KCNAB1: variants seen among roughly 807,000 people sequenced by gnomAD.
KCNAB1 encodes the protein voltage-gated potassium channel subunit beta-1.
In KCNAB1, 35 loss-of-function variants were observed where a neutral mutation model predicts 64.6. That is an observed-to-expected ratio of 0.54 (90% CI 0.41 to 0.72). The LOEUF is 0.72. KCNAB1 is among the 30% of genes least tolerant of loss of function. The pLI is 0.00. For synonymous variants in KCNAB1, 177 were observed against 183.8 expected, an observed-to-expected ratio of 0.96 and a Z score of 0.30; for missense variants, 401 against 512.9, an observed-to-expected ratio of 0.78 and a Z score of 2.11.
At chr3:156,360,992 C>T (rs1725572708) in intron 1 of KCNAB1, among the ~76,000 whole-genome samples, 1 of 152,130 alleles carries the variant, frequency 6.6e-6, no homozygotes, top group South Asian at 2.1e-4. Context: ...GCCAGTGATA[C>T]TTTTTTAAAC....
chr3:156,436,515 T>A (rs112785816), intron 2 of KCNAB1, among the ~76,000 whole-genome samples: 7,561 of 152,318 alleles, frequency 0.05, 313 homozygotes, highest in African/African-American at 0.11. Flanking sequence ...ATGGTTGAAC[T>A]AATTTGCATT....
chr3:156,372,481 T>A (rs945070024), intron 1 of KCNAB1, among the ~76,000 whole-genome samples: 6 of 152,230 alleles, frequency 3.9e-5, no homozygotes, highest in Non-Finnish European at 5.9e-5. Context: ...GAGATTCTGA[T>A]TCAATAGGTC....
intron 1 of KCNAB1, among the ~76,000 whole-genome samples, chr3:156,401,875 T>C (rs1456328380): frequency 2.6e-5 from 4 of 152,154 alleles, no homozygotes; most frequent in Admixed American, 2.6e-4. Context: ...CCAACTTTTT[T>C]TTTTTTTTAC....
At chr3:156,135,551 C>G (rs1308103493) in intron 1 of KCNAB1, among the ~76,000 whole-genome samples, 1 of 152,186 alleles carries the variant, frequency 6.6e-6, no homozygotes, top group Non-Finnish European at 1.5e-5. Flanking sequence ...AAGAGTTCTT[C>G]TAGCTCTAGT....
At chr3:156,475,208 G>A (rs1287239453) in intron 8 of KCNAB1, among the ~76,000 whole-genome samples, 5 of 152,176 alleles carry the variant, frequency 3.3e-5, no homozygotes, top group African/African-American at 1.2e-4. Flanking sequence ...CTCTAAGTCT[G>A]ATTAGTTTCC....
At chr3:156,315,525 ATAT>A (rs1488971349) in intron 1 of KCNAB1, among the ~76,000 whole-genome samples, 1 of 152,202 alleles carries the variant, frequency 6.6e-6, no homozygotes, top group Admixed American at 6.5e-5. Context: ...GTGTCCTGGA[ATAT>A]TATCAAATAT....
rs183304253 is a variant in KCNAB1, at chr3:156,192,120, C to T, written c.275+71234C>T. On this transcript the variant is annotated intron_variant, in intron 1 of 13. Transcript: ENST00000490337. ...ATATAAATGAAATCATACATGTATA[C>T]TCTTTTTTTGGTCTGGCTTCTTTGA... Among the ~76,000 whole-genome samples, 459 of 152,228 alleles carry T rather than the reference C, an allele frequency of 3.0e-3. 2 individuals are homozygous for T. The highest frequency in any genetic ancestry group is 0.011 in the African/African-American group (446 of 41,546).
intron 1 of KCNAB1, among the ~76,000 whole-genome samples, chr3:156,155,726 A>G (rs1715674690): frequency 6.6e-6 from 1 of 152,202 alleles, no homozygotes. Context: ...AAAGGGGAGA[A>G]TTGAAAGTTC....
intron 1 of KCNAB1, among the ~76,000 whole-genome samples, chr3:156,178,181 G>A (rs756547399): frequency 1.3e-5 from 2 of 152,168 alleles, no homozygotes; most frequent in Non-Finnish European, 2.9e-5. Context: ...CAAGCTTTCC[G>A]TGTTCCTGTG....
At chr3:156,399,356 T>C (rs1442167471) in intron 1 of KCNAB1, among the ~76,000 whole-genome samples, 2 of 152,156 alleles carry the variant, frequency 1.3e-5, no homozygotes, top group Non-Finnish European at 2.9e-5. Context: ...AAAGAGGTGT[T>C]GGGTGGGGTA....
At position 156,469,991 on chromosome 3, in the gene KCNAB1, C is replaced by A. The variant is rs1229922003; in HGVS notation, c.571+4305C>A. 2.0e-5 allele frequency among the ~76,000 whole-genome samples: 3 copies of A among 152,164 alleles called. No homozygotes were observed. In the East Asian group the frequency reaches 5.8e-4, roughly 29 times the overall value. Reference sequence around the variant, plus strand: ...GTATACAAATTAAATTAGAGAAGTACCATTAGAGGATAAGACAGAAAGTTC... The same window carrying A: ...GTATACAAATTAAATTAGAGAAGTAACATTAGAGGATAAGACAGAAAGTTC... On this transcript the variant is annotated intron_variant, in intron 7 of 13. Transcript: ENST00000490337.
At chr3:156,378,917 T>G (rs1711937755) in intron 1 of KCNAB1, among the ~76,000 whole-genome samples, 1 of 152,122 alleles carries the variant, frequency 6.6e-6, no homozygotes, top group Non-Finnish European at 1.5e-5. Flanking sequence ...TGTCCCCCAG[T>G]GCCTCAAGCT....
intron 1 of KCNAB1, among the ~76,000 whole-genome samples, chr3:156,154,772 A>G (rs1328522716): frequency 2.0e-5 from 3 of 152,182 alleles, no homozygotes; most frequent in Non-Finnish European, 4.4e-5. Flanking sequence ...AAAGGTAGTC[A>G]GTGCTGCTGG....
intron 1 of KCNAB1, among the ~76,000 whole-genome samples, chr3:156,130,583 A>G (rs1577615499): frequency 6.6e-6 from 1 of 152,376 alleles, no homozygotes; most frequent in Non-Finnish European, 1.5e-5. Context: ...AGCATGTGAT[A>G]AAGCCAGTAC....
At chr3:156,333,998 C>T (rs1723517260) in intron 1 of KCNAB1, among the ~76,000 whole-genome samples, 1 of 151,942 alleles carries the variant, frequency 6.6e-6, no homozygotes, top group Non-Finnish European at 1.5e-5. Context: ...TGATATTTTC[C>T]CAGAAAAATT....
chr3:156,280,303 C>T (rs1329597337), intron 1 of KCNAB1, among the ~76,000 whole-genome samples: 8 of 148,374 alleles, frequency 5.4e-5, no homozygotes, highest in Non-Finnish European at 7.5e-5. Flanking sequence ...TTTCTGAGGG[C>T]TCTGTTCTGT....
At chr3:156,373,620 G>GA (rs1295839460) in intron 1 of KCNAB1, among the ~76,000 whole-genome samples, 2 of 151,832 alleles carry the variant, frequency 1.3e-5, no homozygotes, top group Non-Finnish European at 2.9e-5. Flanking sequence ...TTTTTTTTAA[G>GA]AAAAAACAAC....
At chr3:156,340,482 A>G (rs1724025773) in intron 1 of KCNAB1, among the ~76,000 whole-genome samples, 1 of 152,158 alleles carries the variant, frequency 6.6e-6, no homozygotes, top group Non-Finnish European at 1.5e-5. Flanking sequence ...GAGGGGCACC[A>G]TGGCAGATGG....
intron 1 of KCNAB1, among the ~76,000 whole-genome samples, chr3:156,138,937 A>G (rs1295759355): frequency 6.6e-6 from 1 of 152,180 alleles, no homozygotes; most frequent in African/African-American, 2.4e-5. Flanking sequence ...AGGACGGGGC[A>G]GGCAGCACCT....
Sources: allele counts gnomAD v4.1 joint callset (sites outside exome capture counted in the v4.1 genomes callset), GRCh38; gene constraint gnomAD v4.1.1; transcripts MANE v1.5; gene names NCBI Gene and HGNC (gene_info 2026-07-23, HGNC 2026-07-21).